The following ZNF226 variants were observed in gnomAD, a reference collection of about 807,000 sequenced individuals.
The protein encoded by ZNF226 is Kruppel-associated box protein.
Under a neutral mutation model 11.4 loss-of-function variants are expected in ZNF226, and 6 were observed. The ratio of observed to expected loss-of-function variants is 0.53; its 90% confidence interval spans 0.29 to 1.04. ZNF226 has a LOEUF of 1.04. Ranked by LOEUF, ZNF226 falls within the 50% of genes least tolerant of loss-of-function variation. The pLI is 0.08. For synonymous variants in ZNF226, 350 were observed against 322.8 expected (o/e 1.08, Z -0.90); for missense variants, 1,058 against 956.5 (o/e 1.11, Z -1.40).
At chr19:44,194,959 A>G in the ZNF226 span, among the ~76,000 whole-genome samples, 2 of 152,242 alleles carry the variant, frequency 1.3e-5, no homozygotes, top group Non-Finnish European at 2.9e-5. Context: ...CCAAATTGAC[A>G]TGAAACCAAA....
rs1270350511 is a variant in ZNF226, at chr19:44,176,941, A to C, written c.1679A>C (p.Lys560Thr). ...QKAHSIEKPF[K>T]CEECGQGFNQ... ...GCCCACAGTATAGAGAAACCTTTTAAGTGTGAGGAGTGTGGGCAGGGTTTC... is the reference window on the plus strand; with the variant it reads ...GCCCACAGTATAGAGAAACCTTTTACGTGTGAGGAGTGTGGGCAGGGTTTC... The change falls in exon 6 of 6, where the codon AAG becomes ACG. Residue 560 changes from lysine to threonine, a missense_variant. Physicochemically the swap from Lys to Thr is moderately conservative, Grantham distance 78. Transcript: ENST00000337433. 1.9e-6 allele frequency: 3 copies of C among 1,613,748 alleles called. No homozygotes were observed. Among genetic ancestry groups the C allele is most frequent in the Admixed American group, 1.7e-5 (1 of 59,978 alleles).
rs574090269 is a variant in ZNF226, at chr19:44,175,588, A to C, written c.326A>C (p.Asn109Thr). 1 of 1,613,400 alleles carries C rather than the reference A, an allele frequency of 6.2e-7. No individual in the cohort carries two copies. Among genetic ancestry groups the C allele is most frequent in the East Asian group, 2.2e-5 (1 of 44,868 alleles). The change falls in exon 6 of 6, where the codon AAT becomes ACT. Residue 109 changes from asparagine (N) to threonine (T), a missense_variant. Transcript: ENST00000337433. ...TGGCAAATCTGGCAACAAATTGCAA[A>C]TGACTTAACCAGGTGTCAAGACTCC... is the stretch of plus-strand genomic sequence containing the variant. ...SCWQIWQQIA[N>T]DLTRCQDSMI...
At chr19:44,196,117 T>C in the ZNF226 span, among the ~76,000 whole-genome samples, 4 of 152,120 alleles carry the variant, frequency 2.6e-5, no homozygotes, top group Non-Finnish European at 4.4e-5. Context: ...AGAAGCATGA[T>C]TGATAATTGG....
the ZNF226 span, among the ~76,000 whole-genome samples, chr19:44,189,730 T>G: frequency 2.0e-5 from 3 of 152,220 alleles, no homozygotes; most frequent in African/African-American, 7.2e-5. Context: ...AAGGACAAAC[T>G]AAGAGGGGCA....
chr19:44,178,993 A>G (rs1029639940), downstream of ZNF226, among the ~76,000 whole-genome samples: 3 of 152,122 alleles, frequency 2.0e-5, no homozygotes, highest in Non-Finnish European at 4.4e-5. Context: ...CAACCTGGCC[A>G]ACATGGTGAA....
downstream of ZNF226, among the ~76,000 whole-genome samples, chr19:44,179,960 G>A (rs962231114): frequency 5.3e-5 from 8 of 151,448 alleles, no homozygotes; most frequent in Non-Finnish European, 8.8e-5. Flanking sequence ...GGTGATGGGC[G>A]CCTGTAATTC....
chr19:44,186,678 A>G, the ZNF226 span, among the ~76,000 whole-genome samples: 1 of 151,964 alleles, frequency 6.6e-6, no homozygotes, highest in South Asian at 2.1e-4. Context: ...ATGTCTTTTT[A>G]AAAACTTTCT....
the ZNF226 span, among the ~76,000 whole-genome samples, chr19:44,186,838 T>C: frequency 1.3e-5 from 2 of 151,426 alleles, no homozygotes; most frequent in African/African-American, 4.8e-5. Context: ...TGGCTGTCAT[T>C]ATATTTAGGT....
At chr19:44,180,263 A>G (rs1427673102), downstream of ZNF226, among the ~76,000 whole-genome samples, 1 of 152,182 alleles carries the variant, frequency 6.6e-6, no homozygotes, top group African/African-American at 2.4e-5. Context: ...GCAGTTAAGC[A>G]GGATCGAATA....
chr19:44,169,950 A>G, intron 2 of ZNF226, 85 bp from the exon 3 acceptor site: 1 of 835,790 alleles, frequency 1.2e-6, no homozygotes, highest in South Asian at 2.4e-5. Flanking sequence ...CAAGAAGCAC[A>G]CACCTTTGCT....
chr19:44,198,696 G>T, the ZNF226 span, among the ~76,000 whole-genome samples: 639 of 152,328 alleles, frequency 4.2e-3, 3 homozygotes, highest in Admixed American at 0.012. Context: ...GTCAATATCT[G>T]AGAGCAGTAA....
downstream of ZNF226, chr19:44,177,742 G>A (rs553978399): frequency 9.6e-5 from 142 of 1,474,178 alleles, 3 homozygotes; most frequent in South Asian, 1.8e-3. Flanking sequence ...TGTTTCAGCC[G>A]TAGCTCCTCA....
the ZNF226 span, among the ~76,000 whole-genome samples, chr19:44,187,432 C>CT: frequency 1.3e-5 from 2 of 151,790 alleles, no homozygotes; most frequent in Non-Finnish European, 2.9e-5. This position sits in a 1 kb window ranked among gnomAD's most constrained non-coding sequence, Gnocchi z 4.0. Context: ...ATCTCTTATA[C>CT]TTTTTTTATT....
At chr19:44,165,923 C>G (rs144699939) in intron 2 of ZNF226, 116 bp downstream of exon 2, 1 of 152,214 alleles carries the variant, frequency 6.6e-6, no homozygotes, top group African/African-American at 2.4e-5. Flanking sequence ...AAGTTCCATT[C>G]TAAGGGGTTT....
intron 3 of ZNF226, among the ~76,000 whole-genome samples, chr19:44,170,314 T>C (rs539193985): frequency 2.0e-5 from 3 of 152,198 alleles, no homozygotes; most frequent in African/African-American, 7.2e-5. Flanking sequence ...ATAGAAATGA[T>C]GGGTGGGCAC....
At chr19:44,171,808 C>T (rs1970126975) in intron 3 of ZNF226, among the ~76,000 whole-genome samples, 1 of 152,194 alleles carries the variant, frequency 6.6e-6, no homozygotes, top group South Asian at 2.1e-4. Context: ...AATTGGTAAA[C>T]CTTTCTGGGG....
At chr19:44,172,481 A>C (rs1970216701) in intron 4 of ZNF226, 1 of 399,504 alleles carries the variant, frequency 2.5e-6, no homozygotes, top group African/African-American at 2.1e-5. Context: ...GAATTATAAA[A>C]CCAACTTATT....
At position 44,176,360 on chromosome 19, in the gene ZNF226, G is replaced by A. The variant is rs767335730; in HGVS notation, c.1098G>A (p.Glu366=). The A allele has an allele frequency of 6.2e-7, 1 of 1,614,196 alleles. No individual in the cohort carries two copies. The highest frequency in any genetic ancestry group is 8.5e-7 in the Non-Finnish European group (1 of 1,180,032). The change falls in exon 6 of 6, where the codon GAG becomes GAA. Residue 366 remains glutamate (E), a synonymous_variant. Transcript: ENST00000337433. ...CGGCAGAGAAACCTTATAATTGTGAGGAGTGTGGGAGGGCCTTCAGTCAGG... is the reference window on the plus strand; with the variant it reads ...CGGCAGAGAAACCTTATAATTGTGAAGAGTGTGGGAGGGCCTTCAGTCAGG... ...VHTAEKPYNC[E]ECGRAFSQAS... is the part of the protein sequence containing the mutation.
the ZNF226 span, among the ~76,000 whole-genome samples, chr19:44,187,846 A>G: frequency 6.6e-6 from 1 of 151,918 alleles, no homozygotes; most frequent in East Asian, 1.9e-4. This position sits in a 1 kb window ranked among gnomAD's most constrained non-coding sequence, Gnocchi z 4.0. Context: ...TTGTCTCCTG[A>G]TGTTTTCTAA....
Sources: allele counts gnomAD v4.1 joint callset (sites outside exome capture counted in the v4.1 genomes callset), GRCh38; gene constraint gnomAD v4.1.1; non-coding constraint Gnocchi (gnomAD v3.1); transcripts MANE v1.5; gene names NCBI Gene and HGNC (gene_info 2026-07-23, HGNC 2026-07-21).